OTOGL: variants seen among roughly 807,000 people sequenced by gnomAD.
The protein encoded by OTOGL is otogelin-like protein.
In OTOGL, 285 loss-of-function variants were observed where a neutral mutation model predicts 318.5. The ratio of observed to expected loss-of-function variants is 0.89; its 90% confidence interval spans 0.81 to 0.99. The LOEUF (loss-of-function observed/expected upper bound fraction) is 0.99, where lower values mean the gene tolerates loss of function less well. Ranked by LOEUF, OTOGL falls within the 50% of genes least tolerant of loss-of-function variation. The pLI is 0.00. For missense variants in OTOGL, 2,899 were observed against 2,845.6 expected (o/e 1.02, Z -0.43); for synonymous variants, 987 against 936.5 (o/e 1.05, Z -0.99).
At chr12:80,334,294 C>T (rs1298444450) in intron 38 of OTOGL, among the ~76,000 whole-genome samples, 1 of 152,130 alleles carries the variant, frequency 6.6e-6, no homozygotes, top group Non-Finnish European at 1.5e-5. Flanking sequence ...TTGCCTTCAG[C>T]AACTAAAGGG....
chr12:80,350,841 G>A (rs185588984), intron 44 of OTOGL, among the ~76,000 whole-genome samples: 7 of 152,114 alleles, frequency 4.6e-5, no homozygotes, highest in South Asian at 2.1e-4. Context: ...ATATTTTCTC[G>A]CATTCTATAG....
chr12:80,348,360 C>A (rs1272965450), intron 44 of OTOGL, among the ~76,000 whole-genome samples: 1 of 152,152 alleles, frequency 6.6e-6, no homozygotes, highest in African/African-American at 2.4e-5. Flanking sequence ...TTTCCCAACA[C>A]TATTTATTAA....
At chr12:80,260,829 C>G (rs1338811747) in intron 18 of OTOGL, among the ~76,000 whole-genome samples, 1 of 151,998 alleles carries the variant, frequency 6.6e-6, no homozygotes, top group Non-Finnish European at 1.5e-5. Context: ...TCACCCTGAC[C>G]TATTTTATTA....
chr12:80,318,767 G>A (rs569449195), intron 33 of OTOGL, 54 bp downstream of exon 33: 1 of 1,130,302 alleles, frequency 8.8e-7, no homozygotes, highest in Non-Finnish European at 1.1e-6. Flanking sequence ...TTAAAATTTA[G>A]CCACTCAGTA....
At chr12:80,154,138 G>A (rs112690035) in intron 1 of OTOGL, among the ~76,000 whole-genome samples, 4,387 of 152,092 alleles carry the variant, frequency 0.029, 208 homozygotes, top group African/African-American at 0.099. Context: ...GCAAAATTCC[G>A]TTTCTACTAA....
At chr12:80,119,665 C>T (rs988998603) in intron 1 of OTOGL, among the ~76,000 whole-genome samples, 1 of 152,140 alleles carries the variant, frequency 6.6e-6, no homozygotes, top group African/African-American at 2.4e-5. Context: ...CTGTATTATG[C>T]TGATTTGTTG....
chr12:80,296,770 C>T, intron 26 of OTOGL, 57 bp from the exon 27 acceptor site: 1 of 1,196,722 alleles, frequency 8.4e-7, no homozygotes, highest in Non-Finnish European at 1.1e-6. Flanking sequence ...ATAAAAATAA[C>T]TAAAAATAAT....
At chr12:80,135,313 C>T (rs1871495288) in intron 1 of OTOGL, among the ~76,000 whole-genome samples, 1 of 132,870 alleles carries the variant, frequency 7.5e-6, no homozygotes, top group South Asian at 2.9e-4. Context: ...TGCTCTATCA[C>T]CCAGGCTACA....
intron 23 of OTOGL, among the ~76,000 whole-genome samples, chr12:80,270,357 A>G (rs1193719221): frequency 3.9e-5 from 6 of 152,136 alleles, no homozygotes; most frequent in African/African-American, 1.2e-4. Context: ...GGTTGAACAT[A>G]TAAGTCAGCT....
At chr12:80,172,289 T>C (rs1874252798) in intron 1 of OTOGL, among the ~76,000 whole-genome samples, 1 of 138,346 alleles carries the variant, frequency 7.2e-6, no homozygotes, top group South Asian at 2.2e-4. Flanking sequence ...TAGGAAGTGA[T>C]ACCTCCTTTG....
chr12:80,126,875 T>A (rs564668155), intron 1 of OTOGL, among the ~76,000 whole-genome samples: 1 of 152,196 alleles, frequency 6.6e-6, no homozygotes. Context: ...CCTGCCTTTT[T>A]TTGTTTTCCA....
Position 80,265,186 on chromosome 12 carries a change from T to A in OTOGL, c.2200T>A (p.Phe734Ile), listed in dbSNP as rs377113537. ...CGGCCAGCACGGTGTTCCCATTGATTTCAGAACTCAGATTTCTTTCTGTGG... is the reference window on the plus strand; with the variant it reads ...CGGCCAGCACGGTGTTCCCATTGATATCAGAACTCAGATTTCTTTCTGTGG... ...LCGQHGVPID[F>I]RTQISFCAVV... The change falls in exon 20 of 59, where the codon TTC becomes ATC. Residue 734 changes from phenylalanine (F) to isoleucine (I), a missense_variant. Physicochemically the swap from Phe to Ile is conservative, Grantham distance 21. Coordinates refer to ENST00000547103, the MANE Select transcript of OTOGL (RefSeq NM_001378609.3). 6.2e-7 allele frequency: 1 copy of A among 1,613,742 alleles called. No individual in the cohort carries two copies. The highest frequency in any genetic ancestry group is 8.5e-7 in the Non-Finnish European group (1 of 1,179,802).
chr12:80,122,963 G>A (rs1423479690), intron 1 of OTOGL, among the ~76,000 whole-genome samples: 1 of 151,022 alleles, frequency 6.6e-6, no homozygotes, highest in African/African-American at 2.4e-5. Flanking sequence ...CCTGAACCAG[G>A]CTCCAGGTAA....
At chr12:80,105,728 C>G (rs569151659) in intron 1 of OTOGL, among the ~76,000 whole-genome samples, 1 of 152,280 alleles carries the variant, frequency 6.6e-6, no homozygotes, top group East Asian at 1.9e-4. Flanking sequence ...CTCCCCTTTA[C>G]CCATTCAGAC....
chr12:80,244,162 TTC>T (rs1444959050), intron 11 of OTOGL, among the ~76,000 whole-genome samples: 2 of 149,342 alleles, frequency 1.3e-5, no homozygotes, highest in African/African-American at 5.1e-5. Context: ...GTCCTATTTT[TTC>T]TTTTTTTCTT....
chr12:80,281,005 A>G (rs1884194698), intron 26 of OTOGL, among the ~76,000 whole-genome samples: 1 of 151,476 alleles, frequency 6.6e-6, no homozygotes, highest in Admixed American at 6.6e-5. Context: ...CTTGAACACT[A>G]TTGGTGTATA....
chr12:80,280,354 TTA>T (rs1884136872), intron 26 of OTOGL, among the ~76,000 whole-genome samples: 1 of 151,758 alleles, frequency 6.6e-6, no homozygotes, highest in African/African-American at 2.4e-5. Context: ...GGTGTCTTTG[TTA>T]TGAAATCTTT....
Position 80,320,147 on chromosome 12 carries a change from C to A in OTOGL, c.3803-275C>A, listed in dbSNP as rs1267033653. ...GTCCTCATTGACATTTCCTTTTTTC[C>A]CCCAAGGACAAAATAAATTATTAAA... On this transcript the variant is annotated intron_variant, in intron 33 of 58. Coordinates refer to ENST00000547103, the MANE Select transcript of OTOGL (RefSeq NM_001378609.3). Among the ~76,000 whole-genome samples, 9 of 151,630 alleles carry A rather than the reference C, an allele frequency of 5.9e-5. 1 individual carries two copies. Among genetic ancestry groups the A allele is most frequent in the Non-Finnish European group, 2.9e-5 (2 of 67,918 alleles).
rs1888596706 is a variant in OTOGL, at chr12:80,339,181, T to C, written c.4967T>C (p.Ile1656Thr). 3.1e-6 allele frequency: 5 copies of C among 1,611,576 alleles called. No individual in the cohort carries two copies. Among genetic ancestry groups the C allele is most frequent in the South Asian group, 1.1e-5 (1 of 91,022 alleles). Residue 1656 changes from isoleucine (I) to threonine (T), a missense_variant, in exon 43 of 59, where the codon ATA (isoleucine) becomes ACA (threonine). Ile to Thr is a moderately conservative substitution (Grantham distance 89). Around this residue, in one of 3 missense-constraint regions of OTOGL, gnomAD observed 2,607 missense variants for 2,524.9 expected, o/e 1.03. Transcript: ENST00000547103. ...ATTACTACTCCAGCTGGACTAATCA[T>C]AAAGTGGTCTCATCTTACAGGAATC... ...YVITTPAGLIIKWSHLTGIID... is the reference protein window; with the variant it reads ...YVITTPAGLITKWSHLTGIID...
Sources: allele counts gnomAD v4.1 joint callset (sites outside exome capture counted in the v4.1 genomes callset), GRCh38; gene constraint gnomAD v4.1.1; regional missense constraint gnomAD v4.1.1; transcripts MANE v1.5; gene names NCBI Gene and HGNC (gene_info 2026-07-23, HGNC 2026-07-21).